MED27: variants seen among roughly 807,000 people sequenced by gnomAD.
The protein encoded by MED27 is mediator of RNA polymerase II transcription subunit 27.
Under a neutral mutation model 38.2 loss-of-function variants are expected in MED27, and 30 were observed. The observed-to-expected ratio is 0.79, with a 90% confidence interval of 0.59 to 1.07. The LOEUF (loss-of-function observed/expected upper bound fraction) is 1.07, where lower values mean the gene tolerates loss of function less well. MED27 is among the 50% of genes least tolerant of loss of function. MED27 has a pLI of 0.00. For missense variants in MED27, 289 were observed against 397.5 expected (o/e 0.73, Z 2.32); for synonymous variants, 122 against 153.5 (o/e 0.79, Z 1.52).
intron 3 of MED27, among the ~76,000 whole-genome samples, chr9:131,941,546 C>G (rs1342269000): frequency 6.6e-6 from 1 of 151,854 alleles, no homozygotes; most frequent in Non-Finnish European, 1.5e-5. Flanking sequence ...TAGAGACGGC[C>G]CAGTGGTAAA....
chr9:131,939,344 C>A, intron 4 of MED27, 37 bp downstream of exon 4: 1 of 1,440,596 alleles, frequency 6.9e-7, no homozygotes, highest in South Asian at 1.2e-5. Context: ...CCATTTTTTC[C>A]CCCAACATCC....
intron 6 of MED27, among the ~76,000 whole-genome samples, chr9:131,863,941 T>C (rs978841781): frequency 1.3e-5 from 2 of 152,074 alleles, no homozygotes; most frequent in Non-Finnish European, 2.9e-5. Context: ...GGGTTTAAGC[T>C]CCAGCACCAC....
chr9:131,974,218 T>G (rs1350637908), intron 3 of MED27, among the ~76,000 whole-genome samples: 1 of 152,258 alleles, frequency 6.6e-6, no homozygotes, highest in Admixed American at 6.5e-5. Flanking sequence ...AATTTCTTTT[T>G]ATAATAAACT....
intron 3 of MED27, among the ~76,000 whole-genome samples, chr9:131,944,741 A>T (rs1050547142): frequency 6.6e-6 from 1 of 152,032 alleles, no homozygotes; most frequent in Non-Finnish European, 1.5e-5. Flanking sequence ...CATGTTGGCC[A>T]GGCTGGTCTC....
At position 131,860,806 on chromosome 9, in the gene MED27, GGA is replaced by G; in HGVS notation, c.802-136_802-135del. 2 of 1,001,710 alleles carry G rather than the reference GGA, an allele frequency of 2.0e-6. No homozygotes were observed. The highest frequency in any genetic ancestry group is 2.9e-6 in the Non-Finnish European group (2 of 681,284). 62.1% of individuals were successfully genotyped at this position (1,001,710 alleles called of 1,614,324 possible). A position where few individuals can be genotyped will look rare whatever the true frequency, so the allele number is the denominator to read the frequency against. ...CAGAAGATGCCCTGTGATTTCACAG[GGA>G]GCAGCAGGCGGAACCCACAAGGTCA... On this transcript the variant is annotated intron_variant, in intron 7 of 7. Coordinates refer to ENST00000292035, the MANE Select transcript of MED27 (RefSeq NM_004269.4). The surrounding 1 kb of genome is among the most constrained non-coding windows in gnomAD (Gnocchi z 5.8).
intron 3 of MED27, among the ~76,000 whole-genome samples, chr9:132,011,815 C>T (rs917304976): frequency 1.3e-5 from 2 of 152,198 alleles, no homozygotes; most frequent in African/African-American, 4.8e-5. Flanking sequence ...TCAATTTTCA[C>T]AGGAAATAGG....
intron 3 of MED27, among the ~76,000 whole-genome samples, chr9:132,007,363 T>G (rs536023130): frequency 6.6e-6 from 1 of 152,098 alleles, no homozygotes; most frequent in Non-Finnish European, 1.5e-5. Context: ...AAAAATACTA[T>G]TCAGCAATAA....
At chr9:132,047,384 A>G (rs909297927) in intron 2 of MED27, among the ~76,000 whole-genome samples, 4 of 151,912 alleles carry the variant, frequency 2.6e-5, no homozygotes, top group South Asian at 2.1e-4. Context: ...AGGTAACCTT[A>G]CAGTTTAAGG....
intron 4 of MED27, among the ~76,000 whole-genome samples, chr9:131,937,944 G>A (rs549226455): frequency 3.9e-5 from 6 of 152,054 alleles, no homozygotes; most frequent in African/African-American, 1.4e-4. Context: ...TCTGTAGACA[G>A]ATGTATTTTA....
intron 6 of MED27, among the ~76,000 whole-genome samples, chr9:131,874,700 G>A (rs540510582): frequency 5.1e-4 from 78 of 152,284 alleles, no homozygotes; most frequent in African/African-American, 1.5e-3. Flanking sequence ...GCGAGGAGAC[G>A]CGCTGGGTCT....
In MED27 at chr9:131,869,005, T is replaced by A. The variant is rs528415835; in HGVS notation, c.724-5865A>T. The stretch of plus-strand genomic sequence containing the variant: ...ACCTAATTAGTTTTTCCATTGCTGG[T>A]CGGCAATCTGGCCAAACTCAGCCTC... On this transcript the variant is annotated intron_variant, in intron 6 of 7. Coordinates refer to ENST00000292035, the MANE Select transcript of MED27 (RefSeq NM_004269.4). The A allele has an allele frequency of 6.1e-6, 6 of 985,486 alleles. No individual in the cohort carries two copies. In the South Asian group the frequency reaches 2.3e-4, roughly 39 times the overall value. The allele number at this position is 985,486 out of a possible 1,614,324, so 61.0% of individuals were successfully genotyped here.
chr9:132,029,586 C>T (rs917915821), intron 2 of MED27, among the ~76,000 whole-genome samples: 1 of 152,030 alleles, frequency 6.6e-6, no homozygotes, highest in African/African-American at 2.4e-5. Flanking sequence ...CAAACACTGA[C>T]AGAGAGTTAA....
At chr9:132,047,849 T>C (rs931941725) in intron 2 of MED27, among the ~76,000 whole-genome samples, 1 of 152,022 alleles carries the variant, frequency 6.6e-6, no homozygotes, top group Non-Finnish European at 1.5e-5. Context: ...ATATCAAGAA[T>C]GAACACAACA....
intron 2 of MED27, among the ~76,000 whole-genome samples, chr9:132,050,213 T>A (rs1833432655): frequency 6.6e-6 from 1 of 151,906 alleles, no homozygotes; most frequent in African/African-American, 2.4e-5. Context: ...AGGGAAGAAT[T>A]GAGGAGAAAA....
intron 3 of MED27, among the ~76,000 whole-genome samples, chr9:131,977,951 A>T (rs1429308273): frequency 6.6e-6 from 1 of 152,178 alleles, no homozygotes; most frequent in Non-Finnish European, 1.5e-5. Flanking sequence ...TGGCATGACT[A>T]TATCACCTCC....
rs1229674857 is a variant in MED27 at position 131,870,692 on chromosome 9, C to G, written c.724-7552G>C. The stretch of plus-strand genomic sequence containing the variant: ...TGAAGAAAAGTGCCATTTCCAGGCC[C>G]TCTCCTCCCCAGAAGGGACTGGACC... On this transcript the variant is annotated intron_variant, in intron 6 of 7. Coordinates refer to ENST00000292035, the MANE Select transcript of MED27 (RefSeq NM_004269.4). Among the ~76,000 whole-genome samples, 2 of 152,110 alleles carry G rather than the reference C, an allele frequency of 1.3e-5. 1 individual carries two copies. The highest frequency in any genetic ancestry group is 2.9e-5 in the Non-Finnish European group (2 of 68,032).
chr9:131,860,628 C>T lies in MED27; in HGVS notation c.846G>A (p.Gln282=). 6.2e-7 allele frequency: 1 copy of T among 1,612,646 alleles called. No homozygotes were observed. The highest frequency in any genetic ancestry group is 8.5e-7 in the Non-Finnish European group (1 of 1,179,494). The part of the protein sequence containing the change: ...SYIKLFQAPC[Q]RCGKFLQDGL... Reference sequence around the variant, plus strand: ...CGTCCTGCAGAAACTTCCCGCAGCGCTGGCACGGGGCCTGGAACAGCTTTA... The same window carrying T: ...CGTCCTGCAGAAACTTCCCGCAGCGTTGGCACGGGGCCTGGAACAGCTTTA... The change falls in exon 8 of 8, where the codon CAG becomes CAA. Residue 282 remains glutamine (Q), a synonymous_variant. Coordinates refer to ENST00000292035, the MANE Select transcript of MED27 (RefSeq NM_004269.4). The surrounding 1 kb of genome is among the most constrained non-coding windows in gnomAD (Gnocchi z 5.8).
At chr9:131,937,042 C>T (rs1362513124) in intron 4 of MED27, among the ~76,000 whole-genome samples, 1 of 152,124 alleles carries the variant, frequency 6.6e-6, no homozygotes, top group Non-Finnish European at 1.5e-5. Context: ...GATTCATCTC[C>T]AGAAAACACT....
chr9:131,903,084 G>GA (rs397772975), intron 4 of MED27, among the ~76,000 whole-genome samples: 3 of 151,998 alleles, frequency 2.0e-5, no homozygotes, highest in African/African-American at 7.3e-5. Flanking sequence ...GTGGCCACGG[G>GA]TGTATTAGTC....
Sources: gnomAD v4.1 joint callset for allele counts (sites outside exome capture counted in the v4.1 genomes callset) on GRCh38, gnomAD v4.1.1 for gene constraint, Gnocchi (gnomAD v3.1) non-coding constraint, MANE v1.5 for transcripts, NCBI Gene and HGNC (gene_info 2026-07-23, HGNC 2026-07-21) for gene names.